Variants in SEPTIN14 observed in about 807,000 individuals in gnomAD.
The protein encoded by SEPTIN14 is septin 14.
In SEPTIN14, 40 loss-of-function variants were observed where a neutral mutation model predicts 53.6. The ratio of observed to expected loss-of-function variants is 0.75; its 90% CI spans 0.58 to 0.97. SEPTIN14 has a LOEUF of 0.97. Among genes scored for constraint, SEPTIN14 ranks in the 50% least tolerant of loss-of-function variants. The pLI is 0.00. For missense variants in SEPTIN14, 471 were observed against 508.2 expected (o/e 0.93, Z 0.70); for synonymous variants, 138 against 166.8 (o/e 0.83, Z 1.33).
intron 9 of SEPTIN14, chr7:55,798,141 C>T (rs1040117658): frequency 1.5e-5 from 3 of 200,238 alleles, no homozygotes; most frequent in Non-Finnish European, 2.1e-5. Flanking sequence ...CTGTGTTCCC[C>T]TGGTACTCCA....
At chr7:55,805,489 G>C (rs769657654) in intron 8 of SEPTIN14, 99 bp from the exon 9 acceptor site, 57 of 785,142 alleles carry the variant, frequency 7.3e-5, no homozygotes, top group Non-Finnish European at 1.1e-4. Context: ...TCGTGCCACT[G>C]CACGTCAGCC....
At chr7:55,846,370 G>A in intron 3 of SEPTIN14, 147 bp downstream of exon 3, 2 of 598,852 alleles carry the variant, frequency 3.3e-6, no homozygotes, top group South Asian at 3.2e-5. Context: ...AAAATAAAAG[G>A]ATTACATAAT....
At chr7:55,834,923 G>A (rs1408901337) in intron 5 of SEPTIN14, among the ~76,000 whole-genome samples, 2 of 152,178 alleles carry the variant, frequency 1.3e-5, no homozygotes, top group East Asian at 3.9e-4. Flanking sequence ...GGGATTACAG[G>A]CGTGAGCCAC....
At chr7:55,826,304 T>G (rs1788985951) in intron 6 of SEPTIN14, among the ~76,000 whole-genome samples, 9 of 152,162 alleles carry the variant, frequency 5.9e-5, no homozygotes. Context: ...AATCTTTGCA[T>G]ACCCTGACCT....
chr7:55,819,333 T>A (rs1337697792), intron 6 of SEPTIN14, 110 bp from the exon 7 acceptor site: 1 of 762,462 alleles, frequency 1.3e-6, no homozygotes, highest in Admixed American at 2.3e-5. Flanking sequence ...CTCATGCCTG[T>A]AATCCCAGCA....
chr7:55,855,163 C>T (rs777917755), intron 2 of SEPTIN14, among the ~76,000 whole-genome samples: 5 of 152,110 alleles, frequency 3.3e-5, no homozygotes, highest in South Asian at 2.1e-4. Flanking sequence ...CGCCCGCCAC[C>T]GTGCCCAGCT....
intron 2 of SEPTIN14, among the ~76,000 whole-genome samples, chr7:55,848,372 G>C (rs763344500): frequency 6.6e-6 from 1 of 152,106 alleles, no homozygotes; most frequent in Non-Finnish European, 1.5e-5. Context: ...ATGTTGGCCA[G>C]GCTGGTCTCG....
chr7:55,831,378 A>G lies in SEPTIN14; in HGVS notation c.720+3047T>C, dbSNP rs139090055. On this transcript the variant is annotated intron_variant, in intron 6 of 9. Transcript: ENST00000388975. ...TGGCAAAAATAAACAGTGGGGAAAG[A>G]GCATTCTATTCAATAAATGGTGCTG... Among the ~76,000 whole-genome samples, 425 of 152,324 alleles carry G rather than the reference A, an allele frequency of 2.8e-3. 5 individuals carry two copies. The highest frequency in any genetic ancestry group is 0.01 in the Middle Eastern group (3 of 294).
intron 9 of SEPTIN14, among the ~76,000 whole-genome samples, chr7:55,796,559 A>G (rs1788435357): frequency 6.6e-6 from 1 of 151,056 alleles, no homozygotes; most frequent in Non-Finnish European, 1.5e-5. Context: ...AGGTCTCACT[A>G]TGTTGCCCAG....
Position 55,834,443 on chromosome 7 carries a change from T to TGC in SEPTIN14, c.701_702insGC (p.Ala235GlnfsTer15). ...AACTTACACTAACTGAGGAGTTCGC[T>TGC]TGAGCAGCAGTTTCTTCATCTGTTG... On this transcript the variant is annotated frameshift_variant, in exon 6 of 10. Transcript: ENST00000388975. LOFTEE classifies it high-confidence loss of function. 6.2e-7 allele frequency: 1 copy of TGC among 1,610,848 alleles called. No individual in the cohort carries two copies.
chr7:55,840,362 G>A (rs1430093724), intron 5 of SEPTIN14, among the ~76,000 whole-genome samples: 3 of 151,796 alleles, frequency 2.0e-5, no homozygotes, highest in East Asian at 1.9e-4. Flanking sequence ...GGTGGTGGGC[G>A]CCTGTAATCC....
intron 6 of SEPTIN14, among the ~76,000 whole-genome samples, chr7:55,824,508 C>G (rs1462093332): frequency 2.0e-5 from 3 of 152,010 alleles, no homozygotes; most frequent in Non-Finnish European, 4.4e-5. Flanking sequence ...TTAGGCCAAG[C>G]ACAGTGGCTC....
At chr7:55,823,281 T>G (rs1325607278) in intron 6 of SEPTIN14, among the ~76,000 whole-genome samples, 1 of 152,178 alleles carries the variant, frequency 6.6e-6, no homozygotes, top group African/African-American at 2.4e-5. Context: ...GTTTTAACCT[T>G]TTTGCATACT....
intron 6 of SEPTIN14, among the ~76,000 whole-genome samples, chr7:55,832,758 AG>A (rs1226356593): frequency 6.6e-6 from 1 of 152,134 alleles, no homozygotes; most frequent in Non-Finnish European, 1.5e-5. Context: ...AGAGACTGGG[AG>A]GAGGCCGATG....
Position 55,809,978 on chromosome 7 carries a change from G to A in SEPTIN14, c.818-2720C>T, listed in dbSNP as rs985391334. Among the ~76,000 whole-genome samples the A allele has an allele frequency of 7.3e-5, 11 of 151,672 alleles. No homozygotes were observed. The East Asian group carries it at 9.7e-4, about 13-fold the overall frequency. On this transcript the variant is annotated intron_variant, in intron 7 of 9. Transcript: ENST00000388975. ...CTCCCAAGTAGCTGGGACTACAGGCGCCCGTCACTACGCCAGGCTGATTTT... is the reference window on the plus strand; with the variant it reads ...CTCCCAAGTAGCTGGGACTACAGGCACCCGTCACTACGCCAGGCTGATTTT...
At chr7:55,822,949 C>A (rs1333730437) in intron 6 of SEPTIN14, among the ~76,000 whole-genome samples, 5 of 151,798 alleles carry the variant, frequency 3.3e-5, no homozygotes, top group African/African-American at 1.2e-4. Context: ...AACTCACAAT[C>A]TTCCTGTGCC....
At chr7:55,798,725 G>A (rs768254507) in intron 9 of SEPTIN14, 7 of 239,982 alleles carry the variant, frequency 2.9e-5, no homozygotes, top group Middle Eastern at 1.7e-3. Flanking sequence ...GATCCTGGGC[G>A]AGTGGTGGTA....
chr7:55,841,850 C>T (rs944514109), intron 5 of SEPTIN14, among the ~76,000 whole-genome samples: 19 of 133,716 alleles, frequency 1.4e-4, no homozygotes, highest in Admixed American at 2.4e-4. Flanking sequence ...AATGAAACTC[C>T]GCCAAAAAAA....
chr7:55,839,172 G>T (rs1052872048), intron 5 of SEPTIN14, among the ~76,000 whole-genome samples: 3 of 152,120 alleles, frequency 2.0e-5, no homozygotes, highest in Non-Finnish European at 4.4e-5. Flanking sequence ...CGGATCACCT[G>T]AGGTTAGGAG....
Sources: gnomAD v4.1 joint callset for allele counts (sites outside exome capture counted in the v4.1 genomes callset) on GRCh38, gnomAD v4.1.1 for gene constraint, MANE v1.5 for transcripts, NCBI Gene and HGNC (gene_info 2026-07-23, HGNC 2026-07-21) for gene names.